CACNA1D: variants seen among roughly 807,000 people sequenced by gnomAD.
CACNA1D encodes the protein calcium voltage-gated channel subunit alpha1 D, also known as voltage-dependent L-type calcium channel subunit alpha-1D.
A neutral mutation model predicts 257.1 loss-of-function variants in CACNA1D; 55 were observed. The observed-to-expected ratio is 0.21, with a 90% confidence interval of 0.17 to 0.27. The LOEUF (loss-of-function observed/expected upper bound fraction) is 0.27. CACNA1D is among the 10% of genes least tolerant of loss of function. The pLI, the probability that CACNA1D is intolerant of heterozygous loss-of-function variation, is 1.00. For missense variants in CACNA1D, 1,876 were observed against 2,784.0 expected (o/e 0.67, Z 7.34); for synonymous variants, 980 against 1,014.9 (o/e 0.97, Z 0.65).
intron 9 of CACNA1D, 23 bp downstream of exon 9, chr3:53,702,833 C>T: frequency 6.2e-7 from 1 of 1,613,742 alleles, no homozygotes; most frequent in Non-Finnish European, 8.5e-7. Flanking sequence ...TTTCCTGCCC[C>T]TGGCTAGACA....
At chr3:53,663,777 GTCTCTC>G (rs541515346) in intron 5 of CACNA1D, among the ~76,000 whole-genome samples, 2 of 149,578 alleles carry the variant, frequency 1.3e-5, no homozygotes, top group South Asian at 2.1e-4. Context: ...GGAAATAATC[GTCTCTC>G]TCTCTCTCTC....
chr3:53,669,126 C>G (rs553699220), intron 7 of CACNA1D, among the ~76,000 whole-genome samples: 45 of 152,374 alleles, frequency 3.0e-4, no homozygotes, highest in Non-Finnish European at 4.9e-4. Flanking sequence ...AGATTTTACT[C>G]TCTGAAACAC....
At chr3:53,567,974 G>C (rs982118925) in intron 3 of CACNA1D, among the ~76,000 whole-genome samples, 2 of 152,166 alleles carry the variant, frequency 1.3e-5, no homozygotes, top group Non-Finnish European at 2.9e-5. Context: ...ACTAGGCTGC[G>C]GGGGTTAGAA....
At chr3:53,627,615 G>C (rs1174854051) in intron 3 of CACNA1D, among the ~76,000 whole-genome samples, 3 of 127,016 alleles carry the variant, frequency 2.4e-5, no homozygotes, top group Non-Finnish European at 4.9e-5. Context: ...GTGGATGGGT[G>C]GGGGGTGGGG....
chr3:53,535,561 T>C (rs926346861), intron 3 of CACNA1D, among the ~76,000 whole-genome samples: 3 of 152,224 alleles, frequency 2.0e-5, no homozygotes, highest in Admixed American at 6.5e-5. Context: ...GAGCTCTGCA[T>C]TGGATGGATC....
At chr3:53,548,767 A>T (rs2092468471) in intron 3 of CACNA1D, among the ~76,000 whole-genome samples, 2 of 152,240 alleles carry the variant, frequency 1.3e-5, no homozygotes, top group East Asian at 3.8e-4. Context: ...TTCTTATTGT[A>T]GATACTGCAA....
intron 3 of CACNA1D, among the ~76,000 whole-genome samples, chr3:53,576,269 C>T (rs1488794053): frequency 6.6e-6 from 1 of 152,164 alleles, no homozygotes; most frequent in Non-Finnish European, 1.5e-5. Flanking sequence ...CAAGAATCTC[C>T]TAAAGTTTGA....
chr3:53,732,792 T>C (rs750101698), intron 18 of CACNA1D, 23 bp from the exon 19 acceptor site: 1 of 1,607,468 alleles, frequency 6.2e-7, no homozygotes, highest in South Asian at 1.1e-5. Flanking sequence ...TTCATGCCTA[T>C]AAAAAAAGTA....
chr3:53,808,822 AC>A, intron 46 of CACNA1D, 52 bp downstream of exon 46: 9 of 1,589,292 alleles, frequency 5.7e-6, no homozygotes, highest in Non-Finnish European at 7.7e-6. Flanking sequence ...CCCACATAGG[AC>A]CCCCATCAGG....
At position 53,511,433 on chromosome 3, in the gene CACNA1D, CACTTTCTAGGAAGCACATCCA is replaced by C. The variant is rs535979706; in HGVS notation, c.483+9715_483+9735del. On this transcript the variant is annotated intron_variant, in intron 3 of 47. Coordinates refer to ENST00000350061, the MANE Select transcript of CACNA1D (RefSeq NM_001128840.3). ...AAGCAGCCACGCTCATTCAGAGCAG[CACTTTCTAGGAAGCACATCCA>C]AGGAGGAATCTCCAGCGCAGGTCCT... Among the ~76,000 whole-genome samples, 86 of 152,290 alleles carry C rather than the reference CACTTTCTAGGAAGCACATCCA, an allele frequency of 5.6e-4. 1 individual carries two copies. The East Asian group carries it at 0.014, about 25-fold the overall frequency.
At chr3:53,519,346 C>T (rs1175048749) in intron 3 of CACNA1D, among the ~76,000 whole-genome samples, 2 of 152,088 alleles carry the variant, frequency 1.3e-5, no homozygotes, top group East Asian at 1.9e-4. Flanking sequence ...GTTTCAAAAA[C>T]GCATTTTTGA....
chr3:53,509,621 G>C (rs983579166), intron 3 of CACNA1D, among the ~76,000 whole-genome samples: 1 of 152,180 alleles, frequency 6.6e-6, no homozygotes, highest in Non-Finnish European at 1.5e-5. Flanking sequence ...AGGGCGGGGA[G>C]GCAGGTGCAG....
chr3:53,768,380 C>G (rs1284112204), intron 30 of CACNA1D, among the ~76,000 whole-genome samples: 3 of 152,248 alleles, frequency 2.0e-5, no homozygotes, highest in African/African-American at 7.2e-5. Flanking sequence ...CATGCACACT[C>G]ACACCCCACA....
intron 45 of CACNA1D, chr3:53,807,792 C>G (rs1306129146): frequency 3.9e-5 from 6 of 152,218 alleles, no homozygotes; most frequent in Non-Finnish European, 7.3e-5. Context: ...GAGCTGTTAG[C>G]AGGACAAGCA....
chr3:53,555,456 GTGTGTTT>G (rs1411434068), intron 3 of CACNA1D, among the ~76,000 whole-genome samples: 14 of 117,042 alleles, frequency 1.2e-4, no homozygotes, highest in African/African-American at 4.6e-4. Flanking sequence ...GTGTGTGTGT[GTGTGTTT>G]TTTTTTTTTT....
intron 3 of CACNA1D, among the ~76,000 whole-genome samples, chr3:53,581,577 C>T (rs1312399520): frequency 6.6e-6 from 1 of 152,158 alleles, no homozygotes; most frequent in Non-Finnish European, 1.5e-5. Context: ...GGGCCTAGTG[C>T]ACTATGAGAC....
chr3:53,662,680 A>G (rs2108344196), intron 5 of CACNA1D, among the ~76,000 whole-genome samples: 1 of 152,286 alleles, frequency 6.6e-6, no homozygotes, highest in South Asian at 2.1e-4. Flanking sequence ...CCTTGACTAG[A>G]GTCCCATGAG....
chr3:53,641,511 G>A (rs1329753827), intron 3 of CACNA1D, among the ~76,000 whole-genome samples: 1 of 152,166 alleles, frequency 6.6e-6, no homozygotes, highest in African/African-American at 2.4e-5. Context: ...GTTGAATTGA[G>A]CTGAAATAGG....
chr3:53,627,551 G>A (rs2108088429), intron 3 of CACNA1D, among the ~76,000 whole-genome samples: 1 of 148,422 alleles, frequency 6.7e-6, no homozygotes, highest in African/African-American at 2.5e-5. Context: ...TCTTCCACAA[G>A]GCTGCCAACA....
Sources: gnomAD v4.1 joint callset for allele counts (sites outside exome capture counted in the v4.1 genomes callset) on GRCh38, gnomAD v4.1.1 for gene constraint, MANE v1.5 for transcripts, NCBI Gene and HGNC (gene_info 2026-07-23, HGNC 2026-07-21) for gene names.